The following CDH18 variants were observed in gnomAD, a reference collection of about 807,000 sequenced individuals.
CDH18 encodes cadherin 18, also known as cadherin-18.
Under a neutral mutation model 67.9 loss-of-function variants are expected in CDH18, and 31 were observed. The ratio of observed to expected loss-of-function variants is 0.46; its 90% CI spans 0.34 to 0.62. The LOEUF is 0.62. Ranked by LOEUF, CDH18 falls within the 20% of genes least tolerant of loss-of-function variation. The pLI is 0.01. For missense variants in CDH18, 890 were observed against 975.5 expected (o/e 0.91, Z 1.17); for synonymous variants, 362 against 347.2 (o/e 1.04, Z -0.48).
Position 19,620,319 on chromosome 5 carries a change from A to C in CDH18, c.644-7718T>G, listed in dbSNP as rs550895960. 2.6e-5 allele frequency among the ~76,000 whole-genome samples: 4 copies of C among 152,196 alleles called. No individual in the cohort carries two copies. In the East Asian group the frequency reaches 5.8e-4, roughly 22 times the overall value. On this transcript the variant is annotated intron_variant, in intron 5 of 12. Coordinates refer to ENST00000382275, the MANE Select transcript of CDH18 (RefSeq NM_004934.5). ...ATACGTCGTGTATTTATTTCCACAC[A>C]CTCTATTAGAATGTGAAAAGAAAAG... is the stretch of plus-strand genomic sequence containing the variant.
chr5:19,515,003 C>A (rs1002115893), intron 10 of CDH18, among the ~76,000 whole-genome samples: 11 of 152,196 alleles, frequency 7.2e-5, no homozygotes, highest in African/African-American at 2.4e-4. Flanking sequence ...GTCTTTAATC[C>A]ATCTCGAATT....
chr5:19,764,769 G>A (rs1254253736), intron 3 of CDH18, among the ~76,000 whole-genome samples: 1 of 152,126 alleles, frequency 6.6e-6, no homozygotes, highest in Admixed American at 6.6e-5. Context: ...GAAAAAGTCA[G>A]AATGTTTTAC....
intron 3 of CDH18, among the ~76,000 whole-genome samples, chr5:19,788,677 A>C (rs1776060625): frequency 6.6e-6 from 1 of 152,202 alleles, no homozygotes; most frequent in African/African-American, 2.4e-5. Flanking sequence ...CAAGTTATAG[A>C]AGACACATAA....
chr5:20,555,015 C>T lies in CDH18; in HGVS notation c.-580+20447G>A, dbSNP rs140088155. Among the ~76,000 whole-genome samples the T allele has an allele frequency of 1.6e-3, 244 of 152,250 alleles. 7 individuals are homozygous for T. In the East Asian group the frequency reaches 0.042, roughly 26 times the overall value. On this transcript the variant is annotated intron_variant, in intron 1 of 14. Coordinates refer to the CDH18 transcript ENST00000507958. ...AGTTATGGTCTGAACGTTAGTGCCT[C>T]CCCCAGAAATTTACATGTTGCATTA...
intron 1 of CDH18, among the ~76,000 whole-genome samples, chr5:20,491,894 C>T (rs907963563): frequency 1.3e-5 from 2 of 152,056 alleles, no homozygotes; most frequent in African/African-American, 4.8e-5. Flanking sequence ...AATTATGGGC[C>T]TTTTCTTAAA....
In CDH18 at chr5:19,779,543, T is replaced by C. The variant is rs149403588; in HGVS notation, c.229-32307A>G. On this transcript the variant is annotated intron_variant, in intron 3 of 12. Transcript: ENST00000382275. Reference sequence around the variant, plus strand: ...TGGCTTCCATGTTTGGATGTAGGACTTTCTTTGCTGATTTTGCTCTGTTCC... The same window carrying C: ...TGGCTTCCATGTTTGGATGTAGGACCTTCTTTGCTGATTTTGCTCTGTTCC... Among the ~76,000 whole-genome samples, 274 of 152,306 alleles carry C rather than the reference T, an allele frequency of 1.8e-3. 5 individuals carry two copies. In the East Asian group the frequency reaches 0.045, roughly 25 times the overall value.
At chr5:19,828,186 C>G (rs1011585808) in intron 3 of CDH18, among the ~76,000 whole-genome samples, 1 of 152,024 alleles carries the variant, frequency 6.6e-6, no homozygotes, top group Non-Finnish European at 1.5e-5. Flanking sequence ...GAAATTGAAT[C>G]CCTGAATACA....
chr5:20,447,378 TAA>T (rs1363959860), intron 1 of CDH18, among the ~76,000 whole-genome samples: 5 of 137,826 alleles, frequency 3.6e-5, no homozygotes, highest in Admixed American at 7.3e-5. Flanking sequence ...AAAATCCTGA[TAA>T]AAAAAAAAAA....
At chr5:19,696,874 T>C in intron 5 of CDH18, among the ~76,000 whole-genome samples, 1 of 152,166 alleles carries the variant, frequency 6.6e-6, no homozygotes, top group South Asian at 2.1e-4. Context: ...CATAGTTCAT[T>C]TGAATAACTG....
rs142152026 is a variant in CDH18 at position 19,811,707 on chromosome 5, G to A, written c.228+27052C>T. Among the ~76,000 whole-genome samples, 817 of 152,250 alleles carry A rather than the reference G, an allele frequency of 5.4e-3. 2 individuals are homozygous for A. Among genetic ancestry groups the A allele is most frequent in the South Asian group, 0.012 (57 of 4,830 alleles). On this transcript the variant is annotated intron_variant, in intron 3 of 12. Transcript: ENST00000382275. ...AGTGGTAATCCTGAAATAAGCCTAA[G>A]AGAAAGAAAGACAATTTAAATGAAA... is the stretch of plus-strand genomic sequence containing the variant.
intron 1 of CDH18, among the ~76,000 whole-genome samples, chr5:20,334,746 T>TCACACA (rs1311847674): frequency 1.5e-5 from 2 of 130,968 alleles, no homozygotes; most frequent in Non-Finnish European, 3.1e-5. Context: ...TCTCTCTCTC[T>TCACACA]CTCTCATACA....
intron 2 of CDH18, among the ~76,000 whole-genome samples, chr5:19,856,846 G>C (rs139463881): frequency 8.0e-4 from 122 of 152,210 alleles, no homozygotes; most frequent in Middle Eastern, 3.4e-3. Context: ...TTTGGTATTT[G>C]TTATGGCAGC....
At chr5:20,512,561 G>A (rs1755105685) in intron 1 of CDH18, among the ~76,000 whole-genome samples, 1 of 151,874 alleles carries the variant, frequency 6.6e-6, no homozygotes, top group South Asian at 2.1e-4. Context: ...TCTGTAATTT[G>A]TAAACTAAGG....
chr5:19,584,274 T>G (rs993873890), intron 7 of CDH18, among the ~76,000 whole-genome samples: 3 of 152,176 alleles, frequency 2.0e-5, no homozygotes, highest in African/African-American at 7.2e-5. Context: ...GAATTCAACT[T>G]GGCAATTTTC....
intron 3 of CDH18, among the ~76,000 whole-genome samples, chr5:19,774,447 T>TAAAATA (rs370475987): frequency 7.2e-4 from 104 of 145,024 alleles, no homozygotes; most frequent in African/African-American, 2.5e-3. Context: ...TAAAATAAAA[T>TAAAATA]AAATAAATAA....
chr5:19,758,182 G>A (rs567863117), intron 3 of CDH18, among the ~76,000 whole-genome samples: 4 of 152,260 alleles, frequency 2.6e-5, no homozygotes, highest in South Asian at 2.1e-4. Flanking sequence ...ATGATAGAAC[G>A]CTGCTGTGTA....
chr5:19,934,989 G>GT (rs1794079340), intron 2 of CDH18, among the ~76,000 whole-genome samples: 1 of 151,394 alleles, frequency 6.6e-6, no homozygotes, highest in South Asian at 2.1e-4. Flanking sequence ...GTTTTGAAAA[G>GT]TTTGTTTTCT....
chr5:19,838,729 G>GA lies in CDH18; in HGVS notation c.228+29dup, dbSNP rs772234786. The GA allele has an allele frequency of 7.9e-6, 12 of 1,511,126 alleles. No individual in the cohort carries two copies. In the East Asian group the frequency reaches 9.1e-5, roughly 11 times the overall value. The allele number at this position is 1,511,126 out of a possible 1,614,324, so 93.6% of individuals were successfully genotyped here. On this transcript the variant is annotated intron_variant, in intron 3 of 12. Transcript: ENST00000382275. ...TCTTACCCCACAATTTCTCAGGATA[G>GA]AAAAAACAGCAAAATAAACAAAATC...
At chr5:19,537,545 G>A (rs1158602340) in intron 9 of CDH18, among the ~76,000 whole-genome samples, 1 of 151,926 alleles carries the variant, frequency 6.6e-6, no homozygotes, top group Non-Finnish European at 1.5e-5. Flanking sequence ...GACACATTTG[G>A]AATCAGAAGA....
Sources: gnomAD v4.1 joint callset for allele counts (sites outside exome capture counted in the v4.1 genomes callset) on GRCh38, gnomAD v4.1.1 for gene constraint, MANE v1.5 for transcripts, NCBI Gene and HGNC (gene_info 2026-07-23, HGNC 2026-07-21) for gene names.